Variants in CXorf58 observed in about 807,000 individuals in gnomAD.
CXorf58 encodes chromosome X open reading frame 58, also known as uncharacterized protein CXorf58.
CXorf58 carries 24 observed loss-of-function variants against 26.0 expected under a neutral mutation model. The ratio of observed to expected loss-of-function variants is 0.92; its 90% confidence interval spans 0.67 to 1.30. The LOEUF is 1.30. CXorf58 is among the 50% of genes most tolerant of loss of function. The pLI is 0.00. For missense variants in CXorf58, 236 were observed against 263.9 expected, an observed-to-expected ratio of 0.89 and a Z score of 0.73; for synonymous variants, 87 against 86.1, an observed-to-expected ratio of 1.01 and a Z score of -0.06.
Position 23,910,320 on chromosome X carries a change from T to C in CXorf58, c.18T>C (p.Asn6=), listed in dbSNP as rs1306062467. The C allele has an allele frequency of 8.5e-7, 1 of 1,183,407 alleles. No individual in the cohort carries two copies. Among genetic ancestry groups the C allele is most frequent in the Non-Finnish European group, 1.1e-6 (1 of 874,163 alleles). Residue 6 remains asparagine (N), a synonymous_variant, in exon 2 of 9, where the codon AAT becomes AAC. Transcript: ENST00000379211. MNRSS[N]VPRKGILKSG... ...GAGGGAAAATGAATCGTTCCTCAAA[T>C]GTACCACGTAAAGGTATTCTGAAAT...
intron 3 of CXorf58, among the ~76,000 whole-genome samples, chrX:23,912,561 T>C (rs140354067): frequency 0.015 from 1,646 of 110,762 alleles, 30 homozygotes; most frequent in African/African-American, 0.05. Flanking sequence ...TTGGCCAACA[T>C]TGAGAAACCC....
At chrX:23,939,204 A>G in intron 8 of CXorf58, 40 bp from the exon 9 acceptor site, 1 of 992,308 alleles carries the variant, frequency 1.0e-6, no homozygotes, top group Non-Finnish European at 1.4e-6. Flanking sequence ...TAAAAACCAA[A>G]TATATAACAC....
chrX:23,924,611 C>T (rs1478132934), intron 5 of CXorf58, among the ~76,000 whole-genome samples: 2 of 105,106 alleles, frequency 1.9e-5, no homozygotes, highest in Non-Finnish European at 3.9e-5. Context: ...GTGTGAGCTA[C>T]TACACCCGGC....
At chrX:23,936,426 C>G (rs1170774838) in intron 7 of CXorf58, among the ~76,000 whole-genome samples, 1 of 111,668 alleles carries the variant, frequency 9.0e-6, no homozygotes, top group African/African-American at 3.3e-5. Context: ...TGAGCCAGTT[C>G]ACATTGTAGA....
intron 5 of CXorf58, among the ~76,000 whole-genome samples, chrX:23,918,813 A>G (rs1444564600): frequency 2.7e-5 from 3 of 112,269 alleles, no homozygotes; most frequent in South Asian, 3.7e-4. Context: ...TTTCTCCTTC[A>G]TGTTTGAAGG....
intron 3 of CXorf58, among the ~76,000 whole-genome samples, chrX:23,914,094 T>C (rs12391259): frequency 1.6e-3 from 182 of 111,166 alleles, no homozygotes; most frequent in African/African-American, 5.4e-3. Flanking sequence ...GCTATTTATT[T>C]ATTTATTTTG....
chrX:23,921,917 G>T (rs1927880224), intron 5 of CXorf58, among the ~76,000 whole-genome samples: 1 of 109,582 alleles, frequency 9.1e-6, no homozygotes. Context: ...TGGCCAGGCT[G>T]ATCTCGAACT....
chrX:23,923,503 G>A (rs1225893092), intron 5 of CXorf58, among the ~76,000 whole-genome samples: 1 of 110,017 alleles, frequency 9.1e-6, no homozygotes, highest in Non-Finnish European at 1.9e-5. Flanking sequence ...GCCAGGCATG[G>A]TGGCACGCAC....
chrX:23,920,764 G>A (rs1216481477), intron 5 of CXorf58, among the ~76,000 whole-genome samples: 2 of 108,454 alleles, frequency 1.8e-5, no homozygotes, highest in Non-Finnish European at 3.8e-5. Context: ...GGTGGTGGGC[G>A]CCTGTAATCC....
chrX:23,911,777 C>T lies in CXorf58; in HGVS notation c.137C>T (p.Ala46Val), dbSNP rs747807328. 9 of 1,186,376 alleles carry T rather than the reference C, an allele frequency of 7.6e-6. No homozygotes were observed. The Middle Eastern group carries it at 9.4e-4, about 124-fold the overall frequency. Residue 46 changes from alanine to valine, a missense_variant, in exon 3 of 9, where the codon GCT becomes GTT. Transcript: ENST00000379211. ...SLLSMLKDIS[A>V]QIIQRAWLSH... ...CTCAGAATGCTTAAAGACATTTCAG[C>T]TCAAATAATACAGAGGGCTTGGTTA...
chrX:23,932,801 C>A (rs954558781), intron 6 of CXorf58, among the ~76,000 whole-genome samples: 4 of 111,043 alleles, frequency 3.6e-5, no homozygotes, highest in African/African-American at 1.3e-4. Flanking sequence ...TCGAGACCAG[C>A]CTGGCCAACA....
At chrX:23,917,136 A>T (rs1412299455) in intron 5 of CXorf58, among the ~76,000 whole-genome samples, 1 of 107,986 alleles carries the variant, frequency 9.3e-6, no homozygotes, top group Non-Finnish European at 1.9e-5. Context: ...GGAGTTCAAG[A>T]CCAGCCTGGC....
rs72620462 is a variant in CXorf58 at position 23,912,463 on chromosome X, T to A, written c.216+607T>A. Among the ~76,000 whole-genome samples, 68 of 111,340 alleles carry A rather than the reference T, an allele frequency of 6.1e-4. 1 individual carries two copies. In the East Asian group the frequency reaches 0.015, roughly 24 times the overall value. Reference sequence around the variant, plus strand: ...CAGTTCTCTTCCAACAATAAAAAGCTCCGAATCTGCAAGGTGCAGCATCTC... The same window carrying A: ...CAGTTCTCTTCCAACAATAAAAAGCACCGAATCTGCAAGGTGCAGCATCTC... On this transcript the variant is annotated intron_variant, in intron 3 of 8. Coordinates refer to ENST00000379211, the MANE Select transcript of CXorf58 (RefSeq NM_152761.3).
At chrX:23,925,786 C>CTTTTTTTTTTTT (rs11296283) in intron 5 of CXorf58, among the ~76,000 whole-genome samples, 2 of 71,769 alleles carry the variant, frequency 2.8e-5, no homozygotes, top group Admixed American at 1.6e-4. Context: ...CTTTTCTTTT[C>CTTTTTTTTTTTT]TTTTTTTTTT....
intron 6 of CXorf58, among the ~76,000 whole-genome samples, chrX:23,933,633 A>G (rs372715008): frequency 9.0e-6 from 1 of 110,947 alleles, no homozygotes; most frequent in Non-Finnish European, 1.9e-5. Flanking sequence ...TCACGCCTGT[A>G]ATCTCAGCAC....
intron 5 of CXorf58, among the ~76,000 whole-genome samples, chrX:23,919,673 A>G (rs1042828932): frequency 8.9e-6 from 1 of 112,404 alleles, no homozygotes; most frequent in Non-Finnish European, 1.9e-5. Context: ...GTTTTCCTGA[A>G]TGGTCCTGAT....
At chrX:23,924,255 T>G (rs753027387) in intron 5 of CXorf58, among the ~76,000 whole-genome samples, 47 of 110,941 alleles carry the variant, frequency 4.2e-4, no homozygotes, top group African/African-American at 1.5e-3. Context: ...ATGTTGGAAA[T>G]TAATTGCAAG....
At chrX:23,915,909 GTTA>G (rs1293954562) in intron 4 of CXorf58, 115 bp downstream of exon 4, 1 of 481,094 alleles carries the variant, frequency 2.1e-6, no homozygotes, top group Admixed American at 4.2e-5. Flanking sequence ...AAGTAAATGT[GTTA>G]TTCTTATTTA....
At chrX:23,924,302 TTTTATTTATTTATTTA>T (rs537677465) in intron 5 of CXorf58, among the ~76,000 whole-genome samples, 2 of 100,444 alleles carry the variant, frequency 2.0e-5, no homozygotes, top group African/African-American at 3.9e-5. Flanking sequence ...ACTATCTTTA[TTTTATTTATTTATTTA>T]TTTATTTATT....
Sources: allele counts gnomAD v4.1 joint callset (sites outside exome capture counted in the v4.1 genomes callset), GRCh38; gene constraint gnomAD v4.1.1; transcripts MANE v1.5; gene names NCBI Gene and HGNC (gene_info 2026-07-23, HGNC 2026-07-21).